The following SDK2 variants were observed in gnomAD, a reference collection of about 807,000 sequenced individuals.
SDK2 encodes the protein protein sidekick-2.
In SDK2, 105 loss-of-function variants were observed where a neutral mutation model predicts 253.9. That is an observed-to-expected ratio of 0.41 (90% CI 0.35 to 0.49). The LOEUF (loss-of-function observed/expected upper bound fraction) is 0.49. SDK2 is among the 20% of genes least tolerant of loss of function. The probability of loss-of-function intolerance (pLI) is 0.06; values close to 1 mark genes in which losing one functional copy is unlikely to be tolerated. For synonymous variants in SDK2, 1,249 were observed against 1,234.9 expected (o/e 1.01, Z -0.24); for missense variants, 2,608 against 3,003.0 (o/e 0.87, Z 3.07).
intron 1 of SDK2, among the ~76,000 whole-genome samples, chr17:73,617,507 C>T (rs1322584449): frequency 6.6e-6 from 1 of 152,028 alleles, no homozygotes; most frequent in Non-Finnish European, 1.5e-5. Flanking sequence ...AGGAGGGTGA[C>T]AGGCAACAAG....
At position 73,629,087 on chromosome 17, in the gene SDK2, C is replaced by T. The variant is rs558040772; in HGVS notation, c.64+14938G>A. On this transcript the variant is annotated intron_variant, in intron 1 of 44. Coordinates refer to ENST00000392650, the MANE Select transcript of SDK2 (RefSeq NM_001144952.2). This position sits in a 1 kb window ranked among gnomAD's most constrained non-coding sequence, Gnocchi z 5.0. ...CAGCAGCTGCAGTGGGTGGAGCCTG[C>T]GGAGGGGGCAGGAAAGCCAGGCTCC... is the stretch of plus-strand genomic sequence containing the variant. Among the ~76,000 whole-genome samples the T allele has an allele frequency of 3.3e-5, 5 of 152,308 alleles. No homozygotes were observed. The highest frequency in any genetic ancestry group is 2.1e-4 in the South Asian group (1 of 4,822).
rs1043187422 is a variant in SDK2, at chr17:73,379,741, T to C, written c.4763-192A>G. On this transcript the variant is annotated intron_variant, in intron 34 of 44. Transcript: ENST00000392650. This position sits in a 1 kb window ranked among gnomAD's most constrained non-coding sequence, Gnocchi z 4.5. ...GGGACGCTCTGTGCCAATCTGGACATAGGGCAATGCTGGTTGGCCTCTTGG... is the reference window on the plus strand; with the variant it reads ...GGGACGCTCTGTGCCAATCTGGACACAGGGCAATGCTGGTTGGCCTCTTGG... 1.3e-5 allele frequency among the ~76,000 whole-genome samples: 2 copies of C among 152,056 alleles called. No individual in the cohort carries two copies. Among genetic ancestry groups the C allele is most frequent in the African/African-American group, 2.4e-5 (1 of 41,388 alleles).
intron 1 of SDK2, among the ~76,000 whole-genome samples, chr17:73,606,310 G>C (rs2045906520): frequency 6.6e-6 from 1 of 152,054 alleles, no homozygotes; most frequent in South Asian, 2.1e-4. Flanking sequence ...GCTGGGTGGG[G>C]CAGGGCCCCC....
In SDK2 at chr17:73,465,551, T is replaced by A. The variant is rs2063591130; in HGVS notation, c.331+6561A>T. Among the ~76,000 whole-genome samples, 2 of 152,050 alleles carry A rather than the reference T, an allele frequency of 1.3e-5. No individual in the cohort carries two copies. Among genetic ancestry groups the A allele is most frequent in the African/African-American group, 4.8e-5 (2 of 41,474 alleles). Reference sequence around the variant, plus strand: ...CCACATGCTGAATGCTGGAAATTTATGGTGACTTAAAAAAACACAAAGAAG... The same window carrying A: ...CCACATGCTGAATGCTGGAAATTTAAGGTGACTTAAAAAAACACAAAGAAG... On this transcript the variant is annotated intron_variant, in intron 3 of 44. Transcript: ENST00000392650. The surrounding 1 kb of genome is among the most constrained non-coding windows in gnomAD (Gnocchi z 4.2).
Position 73,513,412 on chromosome 17 carries a change from T to C in SDK2, c.65-5815A>G, listed in dbSNP as rs547984990. Among the ~76,000 whole-genome samples, 10 of 152,348 alleles carry C rather than the reference T, an allele frequency of 6.6e-5. No homozygotes were observed. The East Asian group carries it at 1.5e-3, about 23-fold the overall frequency. ...ACTAAAATTCAATAAGATACCATTT[T>C]TTCCCTTATCACACTGGCCAAGATG... is the stretch of plus-strand genomic sequence containing the variant. On this transcript the variant is annotated intron_variant, in intron 1 of 44. Transcript: ENST00000392650.
At chr17:73,513,145 A>G (rs1359103754) in intron 1 of SDK2, among the ~76,000 whole-genome samples, 1 of 151,936 alleles carries the variant, frequency 6.6e-6, no homozygotes, top group East Asian at 1.9e-4. Context: ...CTGCCTGGAA[A>G]AAAAAAAACC....
Position 73,335,573 on chromosome 17 carries a change from T to A in SDK2, c.*3014A>T, listed in dbSNP as rs1010816777. ...GACGTGTCCTGAAAAAATCTAGAGTTCCACAGCTGCAGGCCTGGGCTTCCA... is the reference window on the plus strand; with the variant it reads ...GACGTGTCCTGAAAAAATCTAGAGTACCACAGCTGCAGGCCTGGGCTTCCA... On this transcript the variant is annotated 3_prime_UTR_variant, in exon 45 of 45. Coordinates refer to ENST00000392650, the MANE Select transcript of SDK2 (RefSeq NM_001144952.2). 28 of 152,178 alleles carry A rather than the reference T, an allele frequency of 1.8e-4. No homozygotes were observed. The highest frequency in any genetic ancestry group is 1.8e-3 in the Admixed American group (27 of 15,272). 9.4% of individuals were successfully genotyped at this position (152,178 alleles called of 1,614,324 possible). A position where few individuals can be genotyped will look rare whatever the true frequency, so the allele number is the denominator to read the frequency against.
At chr17:73,631,640 T>A (rs2046272199) in intron 1 of SDK2, among the ~76,000 whole-genome samples, 1 of 152,196 alleles carries the variant, frequency 6.6e-6, no homozygotes, top group Admixed American at 6.5e-5. Context: ...GGTGGGGGAC[T>A]GGGTGGATGT....
intron 1 of SDK2, among the ~76,000 whole-genome samples, chr17:73,529,831 G>C (rs748967770): frequency 8.5e-5 from 13 of 152,148 alleles, no homozygotes; most frequent in Admixed American, 2.6e-4. Flanking sequence ...CTTTACTTTG[G>C]ATTTCTGTGC....
At chr17:73,497,253 C>G (rs1280017649) in intron 2 of SDK2, among the ~76,000 whole-genome samples, 3 of 152,160 alleles carry the variant, frequency 2.0e-5, no homozygotes, top group African/African-American at 7.2e-5. Flanking sequence ...CTTCCTAAAC[C>G]AAGAACACAC....
At position 73,379,326 on chromosome 17, in the gene SDK2, G is replaced by T; in HGVS notation, c.4865-34C>A. 1 of 1,378,314 alleles carries T rather than the reference G, an allele frequency of 7.3e-7. No individual in the cohort carries two copies. The highest frequency in any genetic ancestry group is 1.0e-6 in the Non-Finnish European group (1 of 994,470). The allele number at this position is 1,378,314 out of a possible 1,614,324, so 85.4% of individuals were successfully genotyped here. On this transcript the variant is annotated intron_variant, in intron 35 of 44. Coordinates refer to ENST00000392650, the MANE Select transcript of SDK2 (RefSeq NM_001144952.2). This position sits in a 1 kb window ranked among gnomAD's most constrained non-coding sequence, Gnocchi z 4.5. ...CGTGCAGGGTAGGCAGTGAGCATGC[G>T]AGTAAACCTGGGAGGGGAGGTGGGC... is the stretch of plus-strand genomic sequence containing the variant.
At chr17:73,486,388 G>A (rs935319702) in intron 2 of SDK2, among the ~76,000 whole-genome samples, 6 of 152,022 alleles carry the variant, frequency 3.9e-5, no homozygotes, top group Admixed American at 2.0e-4. Flanking sequence ...GCAGGGGGAC[G>A]GCTTGAGGCC....
Position 73,380,936 on chromosome 17 carries a change from GCATGGAGTA to G in SDK2, c.4711_4719del (p.Tyr1571_Met1573del). Reference sequence around the variant, plus strand: ...GTGAGGCTGGGCCGGCTCAGGTTCCGCATGGAGTACATGGCTATGGGGTGGGGGTGCCGG... The same window carrying G: ...GTGAGGCTGGGCCGGCTCAGGTTCCGCATGGCTATGGGGTGGGGGTGCCGG... On this transcript the variant is annotated inframe_deletion, in exon 34 of 45. Transcript: ENST00000392650. 1 of 1,549,968 alleles carries G rather than the reference GCATGGAGTA, an allele frequency of 6.5e-7. No individual in the cohort carries two copies. The highest frequency in any genetic ancestry group is 8.7e-7 in the Non-Finnish European group (1 of 1,144,076).
rs1046294826 is a variant in SDK2, at chr17:73,642,689, A to G, written c.64+1336T>C. Among the ~76,000 whole-genome samples, 1 of 152,220 alleles carries G rather than the reference A, an allele frequency of 6.6e-6. No homozygotes were observed. Reference sequence around the variant, plus strand: ...TCTGTTAAATGGCTACTAGAATAAGATGACCTCTGAGGTCCTCGCTTGTTC... The same window carrying G: ...TCTGTTAAATGGCTACTAGAATAAGGTGACCTCTGAGGTCCTCGCTTGTTC... On this transcript the variant is annotated intron_variant, in intron 1 of 44. Transcript: ENST00000392650. This position sits in a 1 kb window ranked among gnomAD's most constrained non-coding sequence, Gnocchi z 4.7.
rs781022085 is a variant in SDK2, at chr17:73,609,470, C to G, written c.64+34555G>C. Among the ~76,000 whole-genome samples the G allele has an allele frequency of 6.6e-6, 1 of 152,090 alleles. No individual in the cohort carries two copies. Among genetic ancestry groups the G allele is most frequent in the Admixed American group, 6.5e-5 (1 of 15,270 alleles). Reference sequence around the variant, plus strand: ...CCCAGCAGAGCAGCTTCAGTGGAAGCCCGACTGGGTTTAAGACAGAAAGGG... The same window carrying G: ...CCCAGCAGAGCAGCTTCAGTGGAAGGCCGACTGGGTTTAAGACAGAAAGGG... On this transcript the variant is annotated intron_variant, in intron 1 of 44. Transcript: ENST00000392650. The surrounding 1 kb of genome is among the most constrained non-coding windows in gnomAD (Gnocchi z 4.4).
chr17:73,355,463 G>C (rs1215563621), intron 40 of SDK2, among the ~76,000 whole-genome samples: 2 of 151,806 alleles, frequency 1.3e-5, no homozygotes, highest in African/African-American at 4.8e-5. Flanking sequence ...TTAGCCTCCG[G>C]AGTAGCTGGG....
In SDK2 at chr17:73,425,456, A is replaced by G. The variant is rs551030533; in HGVS notation, c.1584-1364T>C. ...ATTCAGGAGTCAGACTCTCAGGCCA[A>G]ATGCTGGCTTTGCTACTTTCCAGCT... On this transcript the variant is annotated intron_variant, in intron 12 of 44. Coordinates refer to ENST00000392650, the MANE Select transcript of SDK2 (RefSeq NM_001144952.2). Among the ~76,000 whole-genome samples, 6 of 152,296 alleles carry G rather than the reference A, an allele frequency of 3.9e-5. No homozygotes were observed. The South Asian group carries it at 1.2e-3, about 32-fold the overall frequency.
chr17:73,410,740 C>G (rs2063118576), intron 18 of SDK2, among the ~76,000 whole-genome samples: 1 of 152,206 alleles, frequency 6.6e-6, no homozygotes, highest in Non-Finnish European at 1.5e-5. Context: ...TACTCCTCCA[C>G]CAGTTTCTGT....
chr17:73,377,632 T>C (rs779267191), intron 36 of SDK2, among the ~76,000 whole-genome samples: 11 of 126,284 alleles, frequency 8.7e-5, no homozygotes, highest in Non-Finnish European at 1.3e-4. Context: ...TGCTGCCTGC[T>C]TTTTTTTTTT....
Sources: gnomAD v4.1 joint callset for allele counts (sites outside exome capture counted in the v4.1 genomes callset) on GRCh38, gnomAD v4.1.1 for gene constraint, Gnocchi (gnomAD v3.1) non-coding constraint, MANE v1.5 for transcripts, NCBI Gene and HGNC (gene_info 2026-07-23, HGNC 2026-07-21) for gene names.